Variants in LRRC37A2 observed in about 807,000 individuals in gnomAD.
LRRC37A2 encodes leucine-rich repeat-containing protein 37A2.
In LRRC37A2, 9 loss-of-function variants were observed where a neutral mutation model predicts 68.8. The observed-to-expected ratio is 0.13, with a 90% CI of 0.08 to 0.23. LRRC37A2 has a LOEUF of 0.23. Ranked by LOEUF, LRRC37A2 falls within the 10% of genes least tolerant of loss-of-function variation. The pLI, the probability that LRRC37A2 is intolerant of heterozygous loss-of-function variation, is 1.00. For missense variants in LRRC37A2, 168 were observed against 950.4 expected, an observed-to-expected ratio of 0.18 and a Z score of 10.82; for synonymous variants, 63 against 367.6, an observed-to-expected ratio of 0.17 and a Z score of 9.48.
chr17:46,974,387 A>G, the LRRC37A2 span, among the ~76,000 whole-genome samples: 1 of 152,100 alleles, frequency 6.6e-6, no homozygotes, highest in Non-Finnish European at 1.5e-5. Flanking sequence ...TCTCCTATAA[A>G]CAGGAAATTA....
the LRRC37A2 span, among the ~76,000 whole-genome samples, chr17:47,015,121 C>T: frequency 2.7e-5 from 4 of 148,380 alleles, no homozygotes; most frequent in Non-Finnish European, 5.9e-5. Context: ...GATTCTCCTA[C>T]CTCAGCCTCC....
chr17:46,841,102 G>A, the LRRC37A2 span, among the ~76,000 whole-genome samples: 35 of 152,314 alleles, frequency 2.3e-4, no homozygotes, highest in African/African-American at 6.7e-4. Flanking sequence ...AGGAAAGAGG[G>A]TGCCGACAGA....
chr17:46,918,050 C>T, the LRRC37A2 span, among the ~76,000 whole-genome samples: 9 of 152,148 alleles, frequency 5.9e-5, no homozygotes, highest in African/African-American at 9.7e-5. Context: ...CTATTCTTCA[C>T]GAGTCCATGA....
At chr17:46,876,169 G>A in the LRRC37A2 span, 1 of 1,372,400 alleles carries the variant, frequency 7.3e-7, no homozygotes, top group Non-Finnish European at 9.9e-7. Context: ...GCCCTGCTGG[G>A]GTTGGTGCTC....
chr17:46,849,037 C>G, the LRRC37A2 span, among the ~76,000 whole-genome samples: 1 of 152,110 alleles, frequency 6.6e-6, no homozygotes, highest in East Asian at 1.9e-4. Context: ...GCCTTATTGG[C>G]CAAAAAGACA....
chr17:46,922,649 T>C, the LRRC37A2 span, among the ~76,000 whole-genome samples: 1 of 152,164 alleles, frequency 6.6e-6, no homozygotes, highest in South Asian at 2.1e-4. Flanking sequence ...AACCACTCAT[T>C]CAATGTAGGT....
the LRRC37A2 span, among the ~76,000 whole-genome samples, chr17:46,456,207 GATATGT>G: frequency 0.15 from 13,992 of 96,148 alleles, 892 homozygotes; most frequent in East Asian, 0.43. Context: ...TATTCCATGG[GATATGT>G]GTGTGTGTGT....
chr17:46,745,112 A>G, the LRRC37A2 span, among the ~76,000 whole-genome samples: 1 of 152,108 alleles, frequency 6.6e-6, no homozygotes, highest in African/African-American at 2.4e-5. Flanking sequence ...GCCACACATT[A>G]GGAAGGTGGA....
chr17:46,868,347 T>G, the LRRC37A2 span, among the ~76,000 whole-genome samples: 2 of 152,036 alleles, frequency 1.3e-5, no homozygotes. Flanking sequence ...ATCCCAGCAC[T>G]TTGGGAGGCC....
the LRRC37A2 span, chr17:46,948,653 G>T: frequency 6.6e-6 from 1 of 152,276 alleles, no homozygotes; most frequent in East Asian, 1.9e-4. Flanking sequence ...CAAGCATGTG[G>T]ATCAGTGAGT....
chr17:46,945,293 G>C, the LRRC37A2 span, among the ~76,000 whole-genome samples: 3 of 152,270 alleles, frequency 2.0e-5, no homozygotes, highest in African/African-American at 4.8e-5. Flanking sequence ...GCTGCTCAGA[G>C]GCCTGAGTTC....
chr17:46,996,734 C>G, the LRRC37A2 span, among the ~76,000 whole-genome samples: 9 of 152,254 alleles, frequency 5.9e-5, no homozygotes, highest in Non-Finnish European at 1.2e-4. Flanking sequence ...CAGCCTCAAA[C>G]TCCTGGCCTC....
the LRRC37A2 span, chr17:47,019,184 AC>A: frequency 1.4e-6 from 2 of 1,398,378 alleles, no homozygotes; most frequent in Non-Finnish European, 2.0e-6. Flanking sequence ...CCACAGTTCA[AC>A]CTTTGGACCT....
At chr17:47,001,717 C>CTTTTTTTTTTTT in the LRRC37A2 span, among the ~76,000 whole-genome samples, 1 of 108,608 alleles carries the variant, frequency 9.2e-6, no homozygotes, top group East Asian at 2.5e-4. Context: ...CTCTTTTTTC[C>CTTTTTTTTTTTT]TTTTTTTTTT....
At chr17:47,012,178 G>A in the LRRC37A2 span, among the ~76,000 whole-genome samples, 2 of 152,066 alleles carry the variant, frequency 1.3e-5, no homozygotes, top group African/African-American at 4.8e-5. Flanking sequence ...TCAGGAAGAG[G>A]TTTCCAATTC....
At chr17:46,993,484 C>T in the LRRC37A2 span, among the ~76,000 whole-genome samples, 19 of 152,248 alleles carry the variant, frequency 1.2e-4, no homozygotes, top group African/African-American at 1.2e-4. Context: ...CAGCTTTTAG[C>T]GTCACAGCCT....
the LRRC37A2 span, among the ~76,000 whole-genome samples, chr17:46,712,992 A>C: frequency 6.6e-6 from 1 of 152,188 alleles, no homozygotes; most frequent in East Asian, 1.9e-4. Context: ...GAGCCTGTTC[A>C]GTGTAATGGG....
At chr17:46,933,902 G>C in the LRRC37A2 span, among the ~76,000 whole-genome samples, 18 of 151,122 alleles carry the variant, frequency 1.2e-4, no homozygotes, top group African/African-American at 7.3e-5. Context: ...GTAGGTCAAG[G>C]CTGCTCTCTA....
At chr17:46,836,893 C>A in the LRRC37A2 span, among the ~76,000 whole-genome samples, 1 of 152,066 alleles carries the variant, frequency 6.6e-6, no homozygotes, top group African/African-American at 2.4e-5. Context: ...GTAAATGAAC[C>A]CTTTGCTTTA....
Sources: allele counts gnomAD v4.1 joint callset (sites outside exome capture counted in the v4.1 genomes callset), GRCh38; gene constraint gnomAD v4.1.1; transcripts MANE v1.5; gene names NCBI Gene and HGNC (gene_info 2026-07-23, HGNC 2026-07-21).